The following PCSK2 variants were observed in gnomAD, a reference collection of about 807,000 sequenced individuals.
PCSK2 encodes proprotein convertase subtilisin/kexin type 2, also known as neuroendocrine convertase 2.
PCSK2 carries 14 observed loss-of-function variants against 69.7 expected under a neutral mutation model. The ratio of observed to expected loss-of-function variants is 0.20; its 90% CI spans 0.13 to 0.31. PCSK2 has a LOEUF of 0.31. Ranked by LOEUF, PCSK2 falls within the 10% of genes least tolerant of loss-of-function variation. The pLI is 1.00. For synonymous variants in PCSK2, 307 were observed against 320.7 expected, an observed-to-expected ratio of 0.96 and a Z score of 0.46; for missense variants, 544 against 842.5, an observed-to-expected ratio of 0.65 and a Z score of 4.39.
At chr20:17,329,882 C>T (rs1568605721) in intron 2 of PCSK2, among the ~76,000 whole-genome samples, 1 of 152,136 alleles carries the variant, frequency 6.6e-6, no homozygotes, top group African/African-American at 2.4e-5. Context: ...CATCTCCACA[C>T]CCCGGAGGTA....
At chr20:17,407,078 C>T (rs568602854) in intron 5 of PCSK2, among the ~76,000 whole-genome samples, 1 of 152,258 alleles carries the variant, frequency 6.6e-6, no homozygotes, top group African/African-American at 2.4e-5. Context: ...ACATCCTCAC[C>T]AACCTCCGCT....
rs554679560 is a variant in PCSK2, at chr20:17,343,979, A to G, written c.283-14348A>G. Among the ~76,000 whole-genome samples the G allele has an allele frequency of 6.6e-5, 10 of 152,374 alleles. No homozygotes were observed. In the South Asian group the frequency reaches 2.1e-3, roughly 32 times the overall value. On this transcript the variant is annotated intron_variant, in intron 2 of 11. Coordinates refer to ENST00000262545, the MANE Select transcript of PCSK2 (RefSeq NM_002594.5). Reference sequence around the variant, plus strand: ...GTTTTAAGCCACTAAGTCGGTGGCCATCTGTTACAGCAGCCACAGAAAACT... The same window carrying G: ...GTTTTAAGCCACTAAGTCGGTGGCCGTCTGTTACAGCAGCCACAGAAAACT...
At chr20:17,275,126 T>A (rs1309305389) in intron 2 of PCSK2, among the ~76,000 whole-genome samples, 1 of 148,702 alleles carries the variant, frequency 6.7e-6, no homozygotes, top group Non-Finnish European at 1.5e-5. Flanking sequence ...GTTGGGCGAC[T>A]AATGAAAAAT....
intron 2 of PCSK2, among the ~76,000 whole-genome samples, chr20:17,285,213 G>A (rs1052129161): frequency 1.3e-5 from 2 of 152,132 alleles, no homozygotes; most frequent in African/African-American, 4.8e-5. Flanking sequence ...AAAGAACAAA[G>A]GATGTATTCA....
At chr20:17,285,231 T>G (rs999418441) in intron 2 of PCSK2, among the ~76,000 whole-genome samples, 6 of 152,254 alleles carry the variant, frequency 3.9e-5, no homozygotes, top group Non-Finnish European at 7.3e-5. Context: ...TCATTATTTT[T>G]CAAAGTTACT....
chr20:17,470,608 A>C (rs1186147234), intron 11 of PCSK2, among the ~76,000 whole-genome samples: 1 of 152,238 alleles, frequency 6.6e-6, no homozygotes, highest in Non-Finnish European at 1.5e-5. Flanking sequence ...AACTGCTGCT[A>C]AGAACTTCTC....
At chr20:17,305,595 G>T (rs1293714511) in intron 2 of PCSK2, among the ~76,000 whole-genome samples, 1 of 152,124 alleles carries the variant, frequency 6.6e-6, no homozygotes, top group East Asian at 1.9e-4. Flanking sequence ...TCTTTAAAAT[G>T]GGTATAATAC....
At chr20:17,240,518 T>C (rs1430943228) in intron 1 of PCSK2, among the ~76,000 whole-genome samples, 1 of 152,100 alleles carries the variant, frequency 6.6e-6, no homozygotes, top group African/African-American at 2.4e-5. Context: ...CTGAAAGACA[T>C]TGGCATCTGT....
intron 2 of PCSK2, among the ~76,000 whole-genome samples, chr20:17,335,494 G>A (rs537734901): frequency 1.5e-5 from 2 of 129,552 alleles, no homozygotes; most frequent in African/African-American, 5.8e-5. Context: ...TTTGCTTGTG[G>A]GCTCTTTTAT....
intron 1 of PCSK2, among the ~76,000 whole-genome samples, chr20:17,246,116 C>A (rs964554719): frequency 6.6e-6 from 1 of 152,128 alleles, no homozygotes; most frequent in Non-Finnish European, 1.5e-5. Context: ...CCGGTGTTGT[C>A]CCCATAGAGC....
At chr20:17,468,325 T>C (rs2033140204) in intron 11 of PCSK2, among the ~76,000 whole-genome samples, 1 of 141,644 alleles carries the variant, frequency 7.1e-6, no homozygotes, top group South Asian at 2.3e-4. Flanking sequence ...CAGCCTACCA[T>C]AGGTCAGCAT....
rs1016589051 is a variant in PCSK2, at chr20:17,453,538, C to T, written c.886-204C>T. Among the ~76,000 whole-genome samples the T allele has an allele frequency of 6.6e-6, 1 of 152,180 alleles. No homozygotes were observed. The highest frequency in any genetic ancestry group is 6.5e-5 in the Admixed American group (1 of 15,276). On this transcript the variant is annotated intron_variant, in intron 8 of 11. Coordinates refer to ENST00000262545, the MANE Select transcript of PCSK2 (RefSeq NM_002594.5). This position sits in a 1 kb window ranked among gnomAD's most constrained non-coding sequence, Gnocchi z 4.0. ...CAGCTTAAATTGTAAATTCAGTTGA[C>T]TTTTTTAGATTGAATTCTTCCTGGA...
intron 2 of PCSK2, among the ~76,000 whole-genome samples, chr20:17,323,561 G>A (rs543491869): frequency 6.6e-6 from 1 of 152,248 alleles, no homozygotes; most frequent in Non-Finnish European, 1.5e-5. Context: ...GTGGAGCCAG[G>A]GTTCTAACTT....
chr20:17,355,329 C>T (rs114520708), intron 2 of PCSK2, among the ~76,000 whole-genome samples: 1,914 of 152,240 alleles, frequency 0.013, 14 homozygotes, highest in East Asian at 0.034. Flanking sequence ...GATAGTTGCT[C>T]TTGCTCCCCG....
intron 5 of PCSK2, among the ~76,000 whole-genome samples, chr20:17,391,385 T>G (rs1281101628): frequency 6.6e-6 from 1 of 151,990 alleles, no homozygotes; most frequent in Non-Finnish European, 1.5e-5. Flanking sequence ...ATAAAACACA[T>G]GATTTAAAAA....
chr20:17,327,311 C>T (rs915188365), intron 2 of PCSK2, among the ~76,000 whole-genome samples: 18 of 152,140 alleles, frequency 1.2e-4, no homozygotes, highest in Admixed American at 4.6e-4. Context: ...CACATTCCTC[C>T]CAAGAAGTCT....
chr20:17,287,094 C>T (rs943151798), intron 2 of PCSK2, among the ~76,000 whole-genome samples: 1 of 152,132 alleles, frequency 6.6e-6, no homozygotes, highest in South Asian at 2.1e-4. Flanking sequence ...ATAAGACCCA[C>T]CCATATTTTG....
chr20:17,460,910 C>A (rs887371787), intron 10 of PCSK2, among the ~76,000 whole-genome samples: 5 of 152,182 alleles, frequency 3.3e-5, no homozygotes, highest in African/African-American at 9.6e-5. Context: ...CATCCTGCAA[C>A]AAACCTATAA....
At chr20:17,265,492 G>T (rs1450005508) in intron 2 of PCSK2, among the ~76,000 whole-genome samples, 1 of 152,028 alleles carries the variant, frequency 6.6e-6, no homozygotes, top group Non-Finnish European at 1.5e-5. Context: ...ATATAGATTT[G>T]ATTATATTTT....
Sources: allele counts gnomAD v4.1 joint callset (sites outside exome capture counted in the v4.1 genomes callset), GRCh38; gene constraint gnomAD v4.1.1; non-coding constraint Gnocchi (gnomAD v3.1); transcripts MANE v1.5; gene names NCBI Gene and HGNC (gene_info 2026-07-23, HGNC 2026-07-21).